INSR: variants seen among roughly 807,000 people sequenced by gnomAD.
The protein encoded by INSR is insulin receptor.
INSR carries 67 observed loss-of-function variants against 142.6 expected under a neutral mutation model. That is an observed-to-expected ratio of 0.47 (90% CI 0.39 to 0.58). INSR has a LOEUF of 0.58. Among genes scored for constraint, INSR ranks in the 20% least tolerant of loss-of-function variants. The pLI is 0.00. For missense variants in INSR, 1,248 were observed against 1,833.2 expected (o/e 0.68, Z 5.83); for synonymous variants, 756 against 743.1 (o/e 1.02, Z -0.28).
chr19:7,186,235 T>C (rs1974428060), intron 2 of INSR, among the ~76,000 whole-genome samples: 2 of 151,852 alleles, frequency 1.3e-5, no homozygotes, highest in Admixed American at 6.6e-5. Context: ...AGAAAGAAAG[T>C]TGGGGAGTGT....
chr19:7,209,624 G>A (rs992212709), intron 2 of INSR, among the ~76,000 whole-genome samples: 1 of 151,848 alleles, frequency 6.6e-6, no homozygotes, highest in African/African-American at 2.4e-5. Context: ...ATGCTGCCCA[G>A]GCTGGTCTCG....
chr19:7,186,247 C>T (rs538525163), intron 2 of INSR, among the ~76,000 whole-genome samples: 1 of 152,074 alleles, frequency 6.6e-6, no homozygotes, highest in Non-Finnish European at 1.5e-5. Flanking sequence ...GGGGAGTGTT[C>T]TTCACCCCAA....
chr19:7,149,821 C>A (rs866487222), intron 11 of INSR, among the ~76,000 whole-genome samples: 4,434 of 124,782 alleles, frequency 0.036, 224 homozygotes, highest in African/African-American at 0.11. Context: ...AAATTCCATC[C>A]AAAAAAAAAA....
chr19:7,143,060 A>G lies in INSR; in HGVS notation c.2298T>C (p.Asp766=). The G allele has an allele frequency of 6.2e-7, 1 of 1,614,230 alleles. No homozygotes were observed. Among genetic ancestry groups the G allele is most frequent in the South Asian group, 1.1e-5 (1 of 91,084 alleles). Residue 766 remains aspartate (D), a synonymous_variant, in exon 12 of 22, where the codon GAT becomes GAC. Transcript: ENST00000302850. The stretch of plus-strand genomic sequence containing the variant: ...GCACGGCCACCGTCACATTCCCAAC[A>G]TCGCCAAGGGACCTGCGTTTCCGAG... The part of the protein sequence containing the change: ...RPSRKRRSLG[D]VGNVTVAVPT...
Position 7,125,269 on chromosome 19 carries a change from C to G in INSR, c.3258+14G>C. 6.2e-7 allele frequency: 1 copy of G among 1,613,870 alleles called. No individual in the cohort carries two copies. The highest frequency in any genetic ancestry group is 8.5e-7 in the Non-Finnish European group (1 of 1,179,988). ...CAGGAAAGCCAGCCCATGTCCCACC[C>G]CCACTGGACTCACCACGTGATGGCA... is the stretch of plus-strand genomic sequence containing the variant. On this transcript the variant is annotated intron_variant, in intron 17 of 21. Transcript: ENST00000302850. This position sits in a 1 kb window ranked among gnomAD's most constrained non-coding sequence, Gnocchi z 4.9.
chr19:7,232,625 A>AC (rs1976016742), intron 2 of INSR, among the ~76,000 whole-genome samples: 1 of 152,102 alleles, frequency 6.6e-6, no homozygotes, highest in Non-Finnish European at 1.5e-5. Context: ...CCTGGCTAAC[A>AC]AGATGAAACC....
intron 2 of INSR, among the ~76,000 whole-genome samples, chr19:7,184,887 G>C (rs1036552762): frequency 6.6e-6 from 1 of 152,098 alleles, no homozygotes; most frequent in Non-Finnish European, 1.5e-5. Flanking sequence ...GCTGCCTGAG[G>C]GAGGGGCCCA....
At chr19:7,230,587 A>C (rs1335742648) in intron 2 of INSR, among the ~76,000 whole-genome samples, 1 of 152,080 alleles carries the variant, frequency 6.6e-6, no homozygotes, top group Non-Finnish European at 1.5e-5. Context: ...CAGGTGGATC[A>C]CCTGAGGTCA....
At chr19:7,258,057 C>T (rs1480720158) in intron 2 of INSR, among the ~76,000 whole-genome samples, 1 of 152,172 alleles carries the variant, frequency 6.6e-6, no homozygotes, top group Non-Finnish European at 1.5e-5. Flanking sequence ...AACTCCTGGC[C>T]TCGAGTGATC....
intron 13 of INSR, among the ~76,000 whole-genome samples, chr19:7,139,821 C>CTTTTTTTTTT (rs10673049): frequency 8.6e-6 from 1 of 115,732 alleles, no homozygotes; most frequent in South Asian, 2.8e-4. Flanking sequence ...GTTGCGTATT[C>CTTTTTTTTTT]TTTTTTTTTT....
At chr19:7,193,778 C>T (rs1324027783) in intron 2 of INSR, among the ~76,000 whole-genome samples, 1 of 152,020 alleles carries the variant, frequency 6.6e-6, no homozygotes, top group African/African-American at 2.4e-5. Flanking sequence ...TAACCTCCGC[C>T]TCCCAGGTTC....
At chr19:7,143,707 A>G (rs980567598) in intron 11 of INSR, among the ~76,000 whole-genome samples, 12 of 152,198 alleles carry the variant, frequency 7.9e-5, no homozygotes, top group African/African-American at 2.9e-4. Flanking sequence ...AGACATATTA[A>G]ACAACAAAGG....
chr19:7,156,990 G>GT (rs146395017), intron 9 of INSR, among the ~76,000 whole-genome samples: 86,212 of 149,046 alleles, frequency 0.58, 25,671 homozygotes, highest in South Asian at 0.72. Flanking sequence ...TTTTGTTTTT[G>GT]TTTTTTTGGG....
At chr19:7,175,730 G>A (rs898703072) in intron 3 of INSR, among the ~76,000 whole-genome samples, 1 of 152,014 alleles carries the variant, frequency 6.6e-6, no homozygotes, top group East Asian at 1.9e-4. Context: ...AGCTACTCAG[G>A]AGGCTGAGGT....
chr19:7,217,867 T>C (rs1975485722), intron 2 of INSR, among the ~76,000 whole-genome samples: 1 of 152,246 alleles, frequency 6.6e-6, no homozygotes, highest in South Asian at 2.1e-4. Flanking sequence ...CCTTCTTTTT[T>C]TTCTTTTGTA....
At chr19:7,184,939 G>A (rs1974390081) in intron 2 of INSR, among the ~76,000 whole-genome samples, 1 of 152,170 alleles carries the variant, frequency 6.6e-6, no homozygotes, top group African/African-American at 2.4e-5. Flanking sequence ...TTTCCATGGT[G>A]TAAATATTCC....
At chr19:7,127,635 A>C (rs1044109084) in intron 15 of INSR, among the ~76,000 whole-genome samples, 1 of 152,196 alleles carries the variant, frequency 6.6e-6, no homozygotes, top group Non-Finnish European at 1.5e-5. Flanking sequence ...GAATTTAGAC[A>C]TCCTGGGAAT....
intron 1 of INSR, among the ~76,000 whole-genome samples, chr19:7,289,413 T>C (rs1968431282): frequency 6.7e-6 from 1 of 148,978 alleles, no homozygotes; most frequent in African/African-American, 2.4e-5. Flanking sequence ...TTCTTTTTTT[T>C]TTTTTTTTTT....
intron 1 of INSR, among the ~76,000 whole-genome samples, chr19:7,272,071 G>A (rs928158210): frequency 2.0e-5 from 3 of 152,152 alleles, no homozygotes; most frequent in East Asian, 1.9e-4. Flanking sequence ...GCGGGAGGCC[G>A]AGGTGGGCGG....
Sources: gnomAD v4.1 joint callset for allele counts (sites outside exome capture counted in the v4.1 genomes callset) on GRCh38, gnomAD v4.1.1 for gene constraint, Gnocchi (gnomAD v3.1) non-coding constraint, MANE v1.5 for transcripts, NCBI Gene and HGNC (gene_info 2026-07-23, HGNC 2026-07-21) for gene names.